PTPN4: variants seen among roughly 807,000 people sequenced by gnomAD.
The protein encoded by PTPN4 is tyrosine-protein phosphatase non-receptor type 4.
In PTPN4, 49 loss-of-function variants were observed where a neutral mutation model predicts 135.5. The ratio of observed to expected loss-of-function variants is 0.36; its 90% CI spans 0.29 to 0.46. The LOEUF (loss-of-function observed/expected upper bound fraction) is 0.46. Ranked by LOEUF, PTPN4 falls within the 20% of genes least tolerant of loss-of-function variation. The probability of loss-of-function intolerance (pLI) is 1.00; values close to 1 mark genes in which losing one functional copy is unlikely to be tolerated. For synonymous variants in PTPN4, 333 were observed against 369.9 expected (o/e 0.90, Z 1.14); for missense variants, 860 against 1,101.0 (o/e 0.78, Z 3.10).
chr2:119,952,637 C>T (rs968029745), intron 19 of PTPN4, among the ~76,000 whole-genome samples: 1 of 152,184 alleles, frequency 6.6e-6, no homozygotes, highest in Non-Finnish European at 1.5e-5. Context: ...AATGCCATAA[C>T]AAGCTATAGT....
chr2:119,885,715 T>A, intron 8 of PTPN4, 80 bp from the exon 9 acceptor site: 1 of 1,033,554 alleles, frequency 9.7e-7, no homozygotes, highest in Non-Finnish European at 1.4e-6. Context: ...TTTTTTCAGA[T>A]AAATAGCCTT....
intron 2 of PTPN4, among the ~76,000 whole-genome samples, chr2:119,825,844 A>G (rs1363293577): frequency 6.6e-6 from 1 of 152,104 alleles, no homozygotes; most frequent in Non-Finnish European, 1.5e-5. Flanking sequence ...TTCCCACAAC[A>G]TCTGCTATCA....
intron 25 of PTPN4, among the ~76,000 whole-genome samples, chr2:119,967,503 G>A (rs987681461): frequency 1.3e-5 from 2 of 151,818 alleles, no homozygotes; most frequent in Non-Finnish European, 2.9e-5. Flanking sequence ...TGCATTCGTT[G>A]ATGGTTTATT....
chr2:119,911,677 A>G (rs1455135285), intron 10 of PTPN4, among the ~76,000 whole-genome samples: 1 of 152,152 alleles, frequency 6.6e-6, no homozygotes, highest in African/African-American at 2.4e-5. Flanking sequence ...AAAAGGAATA[A>G]AAGGCAAACA....
intron 1 of PTPN4, among the ~76,000 whole-genome samples, chr2:119,782,797 C>T (rs1482451914): frequency 2.0e-5 from 3 of 148,812 alleles, no homozygotes; most frequent in South Asian, 4.3e-4. Context: ...CCTCAACCCC[C>T]CAGGCTCAAG....
chr2:119,857,981 C>A (rs1038720299), intron 2 of PTPN4, among the ~76,000 whole-genome samples: 1 of 152,170 alleles, frequency 6.6e-6, no homozygotes, highest in Non-Finnish European at 1.5e-5. Flanking sequence ...TGGTGATATG[C>A]GAGTTCTTGC....
Position 119,977,208 on chromosome 2 carries a change from G to T in PTPN4, c.*138G>T. 7.7e-7 allele frequency: 1 copy of T among 1,299,176 alleles called. No homozygotes were observed. Among genetic ancestry groups the T allele is most frequent in the South Asian group, 2.2e-5 (1 of 45,024 alleles). The allele number at this position is 1,299,176 out of a possible 1,614,324, so 80.5% of individuals were successfully genotyped here. A position where few individuals can be genotyped will look rare whatever the true frequency, so the allele number is the denominator to read the frequency against. On this transcript the variant is annotated 3_prime_UTR_variant, in exon 27 of 27. Coordinates refer to ENST00000263708, the MANE Select transcript of PTPN4 (RefSeq NM_002830.4). Reference sequence around the variant, plus strand: ...AAAAAACTTTGAAAACTTCAGCACTGTTGCACTTTATGTTTTAAAAAATGT... The same window carrying T: ...AAAAAACTTTGAAAACTTCAGCACTTTTGCACTTTATGTTTTAAAAAATGT...
At chr2:119,831,061 G>T (rs1042893846) in intron 2 of PTPN4, among the ~76,000 whole-genome samples, 5 of 152,168 alleles carry the variant, frequency 3.3e-5, no homozygotes, top group African/African-American at 1.2e-4. Flanking sequence ...TGGATGGGGG[G>T]TGGCAGTAGG....
intron 1 of PTPN4, among the ~76,000 whole-genome samples, chr2:119,777,244 TC>T (rs527764672): frequency 2.6e-5 from 4 of 152,218 alleles, no homozygotes; most frequent in Non-Finnish European, 5.9e-5. Context: ...TCCCAAGTGT[TC>T]CAGGCAGATG....
Position 119,806,686 on chromosome 2 carries a change from A to G in PTPN4, c.-17-3151A>G, listed in dbSNP as rs576726713. Among the ~76,000 whole-genome samples, 5 of 152,310 alleles carry G rather than the reference A, an allele frequency of 3.3e-5. No individual in the cohort carries two copies. In the South Asian group the frequency reaches 6.2e-4, roughly 19 times the overall value. ...AGATCAGCGAGGCAGAAGGTTAGAAAGAATATCCAGGATTGAACTCAGCGC... is the reference window on the plus strand; with the variant it reads ...AGATCAGCGAGGCAGAAGGTTAGAAGGAATATCCAGGATTGAACTCAGCGC... On this transcript the variant is annotated intron_variant, in intron 1 of 26. Transcript: ENST00000263708.
At chr2:119,788,313 A>G (rs951389157) in intron 1 of PTPN4, among the ~76,000 whole-genome samples, 1 of 152,182 alleles carries the variant, frequency 6.6e-6, no homozygotes, top group African/African-American at 2.4e-5. Context: ...AAATTTCACA[A>G]AATTCAAAAA....
At chr2:119,958,742 C>G (rs954405850) in intron 22 of PTPN4, among the ~76,000 whole-genome samples, 6 of 152,172 alleles carry the variant, frequency 3.9e-5, no homozygotes, top group African/African-American at 1.4e-4. Context: ...ACTGTTGTTT[C>G]TGTTTAAAGA....
chr2:119,773,040 T>G (rs1460184220), intron 1 of PTPN4, among the ~76,000 whole-genome samples: 5 of 152,230 alleles, frequency 3.3e-5, no homozygotes. Context: ...TTCCTAGCAA[T>G]GGAAAGAAGT....
At chr2:119,915,060 A>ATG in intron 10 of PTPN4, 119 bp from the exon 11 acceptor site, 1 of 803,734 alleles carries the variant, frequency 1.2e-6, no homozygotes, top group Non-Finnish European at 1.8e-6. Context: ...TACTATGTGT[A>ATG]TGTATATATG....
At chr2:119,894,116 C>T (rs371875959) in intron 9 of PTPN4, among the ~76,000 whole-genome samples, 6 of 152,078 alleles carry the variant, frequency 3.9e-5, no homozygotes, top group East Asian at 1.9e-4. Flanking sequence ...AAATGAGACA[C>T]GGAAAAGTTA....
chr2:119,836,068 CAA>C (rs35095345), intron 2 of PTPN4, among the ~76,000 whole-genome samples: 52 of 125,792 alleles, frequency 4.1e-4, no homozygotes, highest in Admixed American at 3.3e-4. Context: ...GTCTCCGTCT[CAA>C]AAAAAAAAAA....
rs1483726570 is a variant in PTPN4 at position 119,984,327 on chromosome 2, A to T, written c.*7257A>T. ...TTTCTTGTAACAGGTGCTATTTGTA[A>T]ATATGAAGGGGAAAAGTCACTTAGT... On this transcript the variant is annotated 3_prime_UTR_variant, in exon 27 of 27. Transcript: ENST00000263708. Among the ~76,000 whole-genome samples the T allele has an allele frequency of 6.6e-6, 1 of 152,142 alleles. No homozygotes were observed. Among genetic ancestry groups the T allele is most frequent in the African/African-American group, 2.4e-5 (1 of 41,426 alleles).
chr2:119,973,671 T>TTTG (rs1553481320), intron 26 of PTPN4, among the ~76,000 whole-genome samples: 2 of 139,914 alleles, frequency 1.4e-5, no homozygotes, highest in African/African-American at 2.8e-5. Flanking sequence ...TTTTTTTTTT[T>TTTG]TTTTTTTTTT....
intron 2 of PTPN4, among the ~76,000 whole-genome samples, chr2:119,847,328 ATT>A (rs150876390): frequency 0.015 from 1,544 of 102,630 alleles, 27 homozygotes; most frequent in Non-Finnish European, 0.022. Context: ...ATATATATAT[ATT>A]TTTTTTTTTT....
Sources: gnomAD v4.1 joint callset for allele counts (sites outside exome capture counted in the v4.1 genomes callset) on GRCh38, gnomAD v4.1.1 for gene constraint, MANE v1.5 for transcripts, NCBI Gene and HGNC (gene_info 2026-07-23, HGNC 2026-07-21) for gene names.